KCNIP1: variants seen among roughly 807,000 people sequenced by gnomAD.
The protein encoded by KCNIP1 is potassium voltage-gated channel interacting protein 1.
KCNIP1 carries 18 observed loss-of-function variants against 33.0 expected under a neutral mutation model. The observed-to-expected ratio is 0.55, with a 90% CI of 0.38 to 0.81. The LOEUF (loss-of-function observed/expected upper bound fraction) is 0.81. KCNIP1 is among the 30% of genes least tolerant of loss of function. The pLI, the probability that KCNIP1 is intolerant of heterozygous loss-of-function variation, is 0.00. For missense variants in KCNIP1, 238 were observed against 271.6 expected, an observed-to-expected ratio of 0.88 and a Z score of 0.87; for synonymous variants, 93 against 98.3, an observed-to-expected ratio of 0.95 and a Z score of 0.32.
At chr5:170,711,415 A>T (rs77242413) in intron 1 of KCNIP1, among the ~76,000 whole-genome samples, 3,362 of 152,302 alleles carry the variant, frequency 0.022, 139 homozygotes, top group African/African-American at 0.076. Context: ...TTCTAAACAT[A>T]TCTATATTAA....
chr5:170,389,772 C>G (rs1407686060), intron 1 of KCNIP1: 1 of 152,248 alleles, frequency 6.6e-6, no homozygotes, highest in Non-Finnish European at 1.5e-5. Context: ...CTACAGCTCC[C>G]TGCCTTTGGC....
chr5:170,460,189 T>C (rs1756474102), intron 1 of KCNIP1, among the ~76,000 whole-genome samples: 1 of 152,106 alleles, frequency 6.6e-6, no homozygotes. Context: ...GAGATTGAAA[T>C]GGTAATTAAA....
At chr5:170,707,159 A>C (rs1305251891) in intron 1 of KCNIP1, among the ~76,000 whole-genome samples, 7 of 28,304 alleles carry the variant, frequency 2.5e-4, no homozygotes, top group African/African-American at 7.8e-4. Context: ...GTAAATCATC[A>C]AAAAAAAAAA....
At chr5:170,662,826 A>G (rs576360185) in intron 1 of KCNIP1, among the ~76,000 whole-genome samples, 5 of 152,222 alleles carry the variant, frequency 3.3e-5, no homozygotes, top group Admixed American at 6.5e-5. Context: ...AGAAAAACCT[A>G]TCCCACACAC....
At chr5:170,390,653 T>A (rs1310661902) in intron 1 of KCNIP1, among the ~76,000 whole-genome samples, 1 of 151,412 alleles carries the variant, frequency 6.6e-6, no homozygotes, top group Non-Finnish European at 1.5e-5. Context: ...TCAAAGAACC[T>A]GAAACTGAGA....
intron 1 of KCNIP1, among the ~76,000 whole-genome samples, chr5:170,709,003 G>A (rs1763355191): frequency 6.6e-6 from 1 of 152,156 alleles, no homozygotes; most frequent in Non-Finnish European, 1.5e-5. Flanking sequence ...ATTCAACTCT[G>A]GACAAAAACA....
intron 1 of KCNIP1, among the ~76,000 whole-genome samples, chr5:170,509,752 C>T (rs1021823143): frequency 2.6e-5 from 4 of 152,202 alleles, no homozygotes; most frequent in Non-Finnish European, 4.4e-5. Context: ...CATTGATAGT[C>T]ATCTCCCCAA....
At chr5:170,372,201 T>C (rs1763863281) in intron 1 of KCNIP1, among the ~76,000 whole-genome samples, 2 of 152,140 alleles carry the variant, frequency 1.3e-5, no homozygotes, top group Non-Finnish European at 2.9e-5. Flanking sequence ...TACTTACTAT[T>C]GACACTTACT....
intron 1 of KCNIP1, among the ~76,000 whole-genome samples, chr5:170,609,148 G>A (rs1454519468): frequency 6.6e-6 from 1 of 152,212 alleles, no homozygotes; most frequent in Non-Finnish European, 1.5e-5. Flanking sequence ...CGAGAAAACT[G>A]TCTTCCCCAG....
At chr5:170,383,456 T>G in intron 1 of KCNIP1, 1 of 620,000 alleles carries the variant, frequency 1.6e-6, no homozygotes, top group Non-Finnish European at 2.9e-6. Flanking sequence ...GGTGAGAGGC[T>G]AAGTGGCCTG....
At chr5:170,595,940 G>A (rs116047126) in intron 1 of KCNIP1, among the ~76,000 whole-genome samples, 1 of 152,086 alleles carries the variant, frequency 6.6e-6, no homozygotes, top group Non-Finnish European at 1.5e-5. Context: ...GATGCATGTG[G>A]GAGTCAGTGT....
chr5:170,458,965 C>T (rs1756449080), intron 1 of KCNIP1, among the ~76,000 whole-genome samples: 1 of 152,140 alleles, frequency 6.6e-6, no homozygotes, highest in Non-Finnish European at 1.5e-5. Flanking sequence ...CTTCAAGAGA[C>T]TCACCTAACA....
chr5:170,456,673 C>CTCTT (rs1215033627), intron 1 of KCNIP1, among the ~76,000 whole-genome samples: 1 of 91,740 alleles, frequency 1.1e-5, no homozygotes, highest in African/African-American at 5.4e-5. Flanking sequence ...TTCTTTCTTT[C>CTCTT]TCTTTCTTTC....
intron 5 of KCNIP1, 61 bp from the exon 6 acceptor site, chr5:170,732,739 C>A: frequency 9.0e-7 from 1 of 1,106,052 alleles, no homozygotes; most frequent in South Asian, 1.3e-5. Context: ...CAAACTCTGT[C>A]ACCTAGGAAG....
At chr5:170,426,518 A>G (rs1225217084) in intron 1 of KCNIP1, among the ~76,000 whole-genome samples, 1 of 152,198 alleles carries the variant, frequency 6.6e-6, no homozygotes, top group Non-Finnish European at 1.5e-5. Flanking sequence ...TACTGTCTAC[A>G]TGACACTAAG....
At chr5:170,629,169 C>T (rs1581418394) in intron 1 of KCNIP1, among the ~76,000 whole-genome samples, 1 of 152,222 alleles carries the variant, frequency 6.6e-6, no homozygotes, top group East Asian at 1.9e-4. Context: ...CTAAGCTCAC[C>T]ACTCTGGGAG....
At chr5:170,392,547 G>A (rs1754630579) in intron 1 of KCNIP1, among the ~76,000 whole-genome samples, 1 of 152,220 alleles carries the variant, frequency 6.6e-6, no homozygotes. Context: ...TCTAGGTAGG[G>A]CATGGTGGCT....
At chr5:170,373,963 T>C (rs1052591662) in intron 1 of KCNIP1, among the ~76,000 whole-genome samples, 3 of 152,214 alleles carry the variant, frequency 2.0e-5, no homozygotes, top group Non-Finnish European at 4.4e-5. Context: ...GCTGGTGAGG[T>C]ACAGGAAGGT....
At chr5:170,706,528 T>C (rs906614401) in intron 1 of KCNIP1, among the ~76,000 whole-genome samples, 1 of 152,150 alleles carries the variant, frequency 6.6e-6, no homozygotes, top group South Asian at 2.1e-4. Flanking sequence ...AGCTCTCTAA[T>C]CAGAAACCAT....
Sources: gnomAD v4.1 joint callset for allele counts (sites outside exome capture counted in the v4.1 genomes callset) on GRCh38, gnomAD v4.1.1 for gene constraint, MANE v1.5 for transcripts, NCBI Gene and HGNC (gene_info 2026-07-23, HGNC 2026-07-21) for gene names.